Variants in NYNRIN observed in about 807,000 individuals in gnomAD.
NYNRIN encodes NYN domain and retroviral integrase containing.
Under a neutral mutation model 146.6 loss-of-function variants are expected in NYNRIN, and 86 were observed. That is an observed-to-expected ratio of 0.59 (90% CI 0.49 to 0.70). The LOEUF (loss-of-function observed/expected upper bound fraction) is 0.70. Among genes scored for constraint, NYNRIN ranks in the 30% least tolerant of loss-of-function variants. NYNRIN has a pLI of 0.00. For synonymous variants in NYNRIN, 1,027 were observed against 1,001.3 expected (o/e 1.03, Z -0.48); for missense variants, 2,191 against 2,377.7 (o/e 0.92, Z 1.63).
At chr14:24,404,917 C>G (rs900502542) in intron 2 of NYNRIN, among the ~76,000 whole-genome samples, 17 of 152,098 alleles carry the variant, frequency 1.1e-4, no homozygotes, top group Non-Finnish European at 1.0e-4. Context: ...TTATGCTGAT[C>G]AACCTCGACT....
intron 3 of NYNRIN, 41 bp downstream of exon 3, chr14:24,408,568 C>T (rs761503455): frequency 1.3e-6 from 2 of 1,538,508 alleles, no homozygotes; most frequent in East Asian, 4.6e-5. Context: ...TGATCCTACC[C>T]CTGCTCCCCT....
rs1400045513 is a variant in NYNRIN at position 24,417,000 on chromosome 14, T to G, written c.5251T>G (p.Ser1751Ala). Residue 1751 changes from serine to alanine, a missense_variant, in exon 9 of 9, where the codon TCC (serine) becomes GCC (alanine). Coordinates refer to ENST00000382554, the MANE Select transcript of NYNRIN (RefSeq NM_025081.3). The part of the protein sequence containing the change: ...LPLLHLAFRA[S>A]STDATPFKVL... ...TTTGCTGCACCTGGCCTTCAGGGCC[T>G]CCTCCACTGATGCCACACCGTTCAA... is the stretch of plus-strand genomic sequence containing the variant. 3.8e-6 allele frequency: 6 copies of G among 1,590,740 alleles called. No homozygotes were observed. Among genetic ancestry groups the G allele is most frequent in the Non-Finnish European group, 5.1e-6 (6 of 1,166,918 alleles).
chr14:24,407,516 T>G (rs1186301290), intron 2 of NYNRIN, among the ~76,000 whole-genome samples: 1 of 152,174 alleles, frequency 6.6e-6, no homozygotes, highest in Non-Finnish European at 1.5e-5. Flanking sequence ...AGCATCCAGT[T>G]TAACCTTTCT....
rs1274837611 is a variant in NYNRIN at position 24,408,321 on chromosome 14, T to C, written c.651T>C (p.Asp217=). ...TCGGCATCTCTGACTCCCACTCCGATCCGGAGGTTCTAATCTGCCCTCCCC... is the reference window on the plus strand; with the variant it reads ...TCGGCATCTCTGACTCCCACTCCGACCCGGAGGTTCTAATCTGCCCTCCCC... ...SRFGISDSHS[D]PEVLICPPQQ... is the part of the protein sequence containing the mutation. Residue 217 remains aspartate (D), a synonymous_variant, in exon 3 of 9, where the codon GAT becomes GAC. Transcript: ENST00000382554. 2 of 1,613,624 alleles carry C rather than the reference T, an allele frequency of 1.2e-6. No homozygotes were observed. Among genetic ancestry groups the C allele is most frequent in the Admixed American group, 3.3e-5 (2 of 60,036 alleles).
intron 2 of NYNRIN, among the ~76,000 whole-genome samples, chr14:24,402,457 C>T (rs2042850416): frequency 6.6e-6 from 1 of 152,136 alleles, no homozygotes; most frequent in Admixed American, 6.5e-5. Context: ...AGAGTACCTT[C>T]TGGAGACTGG....
At chr14:24,406,960 C>T (rs923988753) in intron 2 of NYNRIN, among the ~76,000 whole-genome samples, 3 of 152,216 alleles carry the variant, frequency 2.0e-5, no homozygotes, top group Admixed American at 6.5e-5. Context: ...AGAGTTCTTC[C>T]TTCTCTTTAG....
chr14:24,400,647 G>A (rs2042836140), intron 2 of NYNRIN, among the ~76,000 whole-genome samples: 1 of 152,198 alleles, frequency 6.6e-6, no homozygotes, highest in Non-Finnish European at 1.5e-5. Context: ...TGTACTGGAG[G>A]CCTTGAGAGG....
Position 24,414,709 on chromosome 14 carries a change from C to T in NYNRIN, c.2960C>T (p.Pro987Leu), listed in dbSNP as rs373042156. The T allele has an allele frequency of 4.8e-5, 77 of 1,613,100 alleles. No homozygotes were observed. The highest frequency in any genetic ancestry group is 6.7e-5 in the East Asian group (3 of 44,848). The part of the protein sequence containing the change: ...DADSGPLESL[P>L]NMEEVREEKE... Reference sequence around the variant, plus strand: ...GACTCTGGGCCCCTGGAGAGTCTGCCGAATATGGAAGAAGTCAGGGAAGAG... The same window carrying T: ...GACTCTGGGCCCCTGGAGAGTCTGCTGAATATGGAAGAAGTCAGGGAAGAG... Residue 987 changes from proline to leucine, a missense_variant, in exon 9 of 9, where the codon CCG becomes CTG. Physicochemically the swap from Pro to Leu is moderately conservative, Grantham distance 98. Transcript: ENST00000382554.
intron 2 of NYNRIN, among the ~76,000 whole-genome samples, chr14:24,404,132 G>C (rs1482935712): frequency 6.6e-6 from 1 of 152,188 alleles, no homozygotes; most frequent in Non-Finnish European, 1.5e-5. Context: ...GAAATGTGGG[G>C]AAGTATTTAG....
In NYNRIN at chr14:24,416,490, G is replaced by A. The variant is rs2042947929; in HGVS notation, c.4741G>A (p.Asp1581Asn). 5 of 1,613,616 alleles carry A rather than the reference G, an allele frequency of 3.1e-6. No individual in the cohort carries two copies. The highest frequency in any genetic ancestry group is 4.2e-6 in the Non-Finnish European group (5 of 1,179,740). Reference protein sequence around the residue: ...WWPGMQEHVKDYCRSCLFCIP... With the variant: ...WWPGMQEHVKNYCRSCLFCIP... ...GCCTGGGATGCAGGAGCATGTGAAA[G>A]ATTACTGCAGGAGCTGCTTGTTCTG... Residue 1581 changes from aspartate to asparagine, a missense_variant, in exon 9 of 9, where the codon GAT (aspartate) becomes AAT (asparagine). Asp to Asn is a conservative substitution (Grantham distance 23, BLOSUM62 1). This residue lies in a region of NYNRIN where 1,291 missense variants were observed against 1,417.0 expected (regional missense o/e 0.91). Transcript: ENST00000382554.
chr14:24,411,423 G>T lies in NYNRIN; in HGVS notation c.2615G>T (p.Gly872Val). 6.2e-7 allele frequency: 1 copy of T among 1,614,000 alleles called. No individual in the cohort carries two copies. Among genetic ancestry groups the T allele is most frequent in the Non-Finnish European group, 8.5e-7 (1 of 1,179,898 alleles). ...LSITPSQLEN[G>V]KKITTYDYRF... The stretch of plus-strand genomic sequence containing the variant: ...ATCACACCCTCCCAGCTTGAGAATG[G>T]CAAGAAGATCACCACCTACGATTAT... The change falls in exon 6 of 9, where the codon GGC (glycine) becomes GTC (valine). Residue 872 changes from glycine to valine, a missense_variant. Physicochemically the swap from Gly to Val is moderately radical, Grantham distance 109. Coordinates refer to ENST00000382554, the MANE Select transcript of NYNRIN (RefSeq NM_025081.3). The surrounding 1 kb of genome is among the most constrained non-coding windows in gnomAD (Gnocchi z 4.3).
Position 24,411,030 on chromosome 14 carries a change from G to A in NYNRIN, c.2415-46G>A. The A allele has an allele frequency of 6.2e-7, 1 of 1,609,378 alleles. No individual in the cohort carries two copies. The highest frequency in any genetic ancestry group is 8.5e-7 in the Non-Finnish European group (1 of 1,178,750). ...TTGCTGCCCCAGGGCTGGCTCTGAGGGAGGAGTGGTGAGGCAGGGTCTTTC... is the reference window on the plus strand; with the variant it reads ...TTGCTGCCCCAGGGCTGGCTCTGAGAGAGGAGTGGTGAGGCAGGGTCTTTC... On this transcript the variant is annotated intron_variant, in intron 4 of 8. Coordinates refer to ENST00000382554, the MANE Select transcript of NYNRIN (RefSeq NM_025081.3). This position sits in a 1 kb window ranked among gnomAD's most constrained non-coding sequence, Gnocchi z 4.3.
Position 24,418,366 on chromosome 14 carries a change from C to T in NYNRIN, c.*920C>T, listed in dbSNP as rs929042680. 14 of 428,978 alleles carry T rather than the reference C, an allele frequency of 3.3e-5. No individual in the cohort carries two copies. Among genetic ancestry groups the T allele is most frequent in the Non-Finnish European group, 6.1e-5 (13 of 214,486 alleles). 26.6% of individuals were successfully genotyped at this position (428,978 alleles called of 1,614,324 possible). On this transcript the variant is annotated 3_prime_UTR_variant, in exon 9 of 9. Transcript: ENST00000382554. ...GAAGTGCTGGCATGGCTCTACCTCCCAACCCCTCCCAACCCCATCCCAAAG... is the reference window on the plus strand; with the variant it reads ...GAAGTGCTGGCATGGCTCTACCTCCTAACCCCTCCCAACCCCATCCCAAAG...
Position 24,408,353 on chromosome 14 carries a change from A to C in NYNRIN, c.683A>C (p.Gln228Pro). The change falls in exon 3 of 9, where the codon CAG (glutamine) becomes CCG (proline). Residue 228 changes from glutamine (Q) to proline (P), a missense_variant. Physicochemically the swap from Gln to Pro is moderately conservative, Grantham distance 76. Transcript: ENST00000382554. ...GTTCTAATCTGCCCTCCCCAGCAGC[A>C]GAAGGAAGCCCCAGCCATGGTGTCC... ...PEVLICPPQQQKEAPAMVSVG... is the reference protein window; with the variant it reads ...PEVLICPPQQPKEAPAMVSVG... 1 of 1,613,900 alleles carries C rather than the reference A, an allele frequency of 6.2e-7. No individual in the cohort carries two copies.
chr14:24,408,621 C>T, intron 3 of NYNRIN, 31 bp from the exon 4 acceptor site: 1 of 1,561,598 alleles, frequency 6.4e-7, no homozygotes, highest in Non-Finnish European at 8.7e-7. Context: ...ACTGGCCTTC[C>T]ACCTTTTCAA....
Position 24,409,265 on chromosome 14 carries a change from G to C in NYNRIN, c.1471G>C (p.Ala491Pro), listed in dbSNP as rs763697962. 1.8e-5 allele frequency: 29 copies of C among 1,614,038 alleles called. No homozygotes were observed. Among genetic ancestry groups the C allele is most frequent in the Non-Finnish European group, 2.5e-5 (29 of 1,179,886 alleles). The change falls in exon 4 of 9, where the codon GCT becomes CCT. Residue 491 changes from alanine to proline, a missense_variant. This residue lies in a region of NYNRIN where 895 missense variants were observed against 941.2 expected (regional missense o/e 0.95). Transcript: ENST00000382554. Reference protein sequence around the residue: ...PPLTSTPQLQAGGEPGDQGSM... With the variant: ...PPLTSTPQLQPGGEPGDQGSM... ...CTTGACCTCTACACCCCAACTACAG[G>C]CTGGAGGTGAGCCGGGGGATCAAGG...
At chr14:24,401,375 C>A (rs573163853) in intron 2 of NYNRIN, among the ~76,000 whole-genome samples, 38 of 151,926 alleles carry the variant, frequency 2.5e-4, no homozygotes, top group African/African-American at 8.5e-4. Context: ...CCTTATTTTA[C>A]ACAATGACCA....
In NYNRIN at chr14:24,411,573, T is replaced by C. The variant is rs1386320062; in HGVS notation, c.2642+123T>C. On this transcript the variant is annotated intron_variant, in intron 6 of 8. Transcript: ENST00000382554. The surrounding 1 kb of genome is among the most constrained non-coding windows in gnomAD (Gnocchi z 4.3). ...GCAAACATGTTGGGGGTGTCGGTTG[T>C]GCAGAGGGTGGGGTGGAGCACGGGC... 5 of 835,058 alleles carry C rather than the reference T, an allele frequency of 6.0e-6. No individual in the cohort carries two copies. In the East Asian group the frequency reaches 1.2e-4, roughly 20 times the overall value. The allele number at this position is 835,058 out of a possible 1,614,324, so 51.7% of individuals were successfully genotyped here.
chr14:24,407,818 G>A, intron 2 of NYNRIN, 51 bp from the exon 3 acceptor site: 1 of 1,520,136 alleles, frequency 6.6e-7, no homozygotes, highest in Non-Finnish European at 8.9e-7. Context: ...GCAGATCCAG[G>A]GGCAGGCCCC....
Sources: gnomAD v4.1 joint callset for allele counts (sites outside exome capture counted in the v4.1 genomes callset) on GRCh38, gnomAD v4.1.1 for gene constraint, gnomAD v4.1.1 regional missense constraint, Gnocchi (gnomAD v3.1) non-coding constraint, MANE v1.5 for transcripts, NCBI Gene and HGNC (gene_info 2026-07-23, HGNC 2026-07-21) for gene names.